EYS: variants seen among roughly 807,000 people sequenced by gnomAD.
EYS encodes EGF-like photoreceptor maintenance factor.
Under a neutral mutation model 282.1 loss-of-function variants are expected in EYS, and 250 were observed. The observed-to-expected ratio is 0.89, with a 90% CI of 0.80 to 0.98. The LOEUF (loss-of-function observed/expected upper bound fraction) is 0.98, where lower values mean the gene tolerates loss of function less well. Among genes scored for constraint, EYS ranks in the 50% least tolerant of loss-of-function variants. EYS has a pLI of 0.00. For missense variants in EYS, 4,016 were observed against 3,709.0 expected (o/e 1.08, Z -2.15); for synonymous variants, 1,355 against 1,282.9 (o/e 1.06, Z -1.20).
chr6:63,983,320 C>A (rs754379306), intron 35 of EYS, among the ~76,000 whole-genome samples: 5 of 151,766 alleles, frequency 3.3e-5, no homozygotes, highest in African/African-American at 1.2e-4. Flanking sequence ...TTTCCACTAA[C>A]CATGCCTTTT....
chr6:65,299,340 T>C (rs1768751374), intron 11 of EYS, among the ~76,000 whole-genome samples: 1 of 152,248 alleles, frequency 6.6e-6, no homozygotes, highest in Admixed American at 6.5e-5. Flanking sequence ...ACTAATTTTA[T>C]AATTAGCACA....
chr6:64,715,108 GGGATGAT>G (rs994876821), intron 22 of EYS, among the ~76,000 whole-genome samples: 1 of 151,600 alleles, frequency 6.6e-6, no homozygotes, highest in Non-Finnish European at 1.5e-5. Flanking sequence ...TATGGTTTTT[GGGATGAT>G]TCAAGTGCAT....
At chr6:65,260,092 T>C (rs1767581190) in intron 12 of EYS, among the ~76,000 whole-genome samples, 1 of 152,044 alleles carries the variant, frequency 6.6e-6, no homozygotes, top group Admixed American at 6.6e-5. Flanking sequence ...AAAATCTTGG[T>C]GGAAGGCGAA....
intron 16 of EYS, among the ~76,000 whole-genome samples, chr6:64,910,990 A>G (rs1423813132): frequency 1.3e-5 from 2 of 151,896 alleles, no homozygotes; most frequent in Non-Finnish European, 2.9e-5. Context: ...TTTTTTTTCT[A>G]TTTTACTTAG....
At chr6:65,182,864 C>A (rs12209336) in intron 12 of EYS, among the ~76,000 whole-genome samples, 6,459 of 152,056 alleles carry the variant, frequency 0.042, 197 homozygotes, top group Middle Eastern at 0.065. Context: ...TCTTGACTCA[C>A]CGCATCCTTG....
chr6:65,627,981 C>A (rs1766776087), intron 2 of EYS, among the ~76,000 whole-genome samples: 1 of 152,230 alleles, frequency 6.6e-6, no homozygotes, highest in Non-Finnish European at 1.5e-5. Context: ...GTGCGGGATC[C>A]ACTAGGTGAA....
chr6:64,624,521 T>G (rs1036411937), intron 23 of EYS, among the ~76,000 whole-genome samples: 2 of 152,196 alleles, frequency 1.3e-5, no homozygotes, highest in Non-Finnish European at 2.9e-5. Context: ...ACTGTAATTT[T>G]ATTCTACTTA....
chr6:64,077,800 C>T (rs1582236049), intron 32 of EYS, among the ~76,000 whole-genome samples: 1 of 152,076 alleles, frequency 6.6e-6, no homozygotes, highest in Non-Finnish European at 1.5e-5. Context: ...GAAAGTGCAC[C>T]TAAAGAATTT....
At chr6:64,951,457 G>A (rs770242680) in intron 14 of EYS, among the ~76,000 whole-genome samples, 10 of 151,928 alleles carry the variant, frequency 6.6e-5, no homozygotes, top group Non-Finnish European at 1.5e-4. Flanking sequence ...GCTTTTCAAA[G>A]TTTGAAACAA....
chr6:64,841,035 A>C (rs1018065), intron 19 of EYS, among the ~76,000 whole-genome samples: 1 of 151,864 alleles, frequency 6.6e-6, no homozygotes, highest in Non-Finnish European at 1.5e-5. Flanking sequence ...CCCCTGTACA[A>C]AGCTTTTTAA....
At position 65,033,790 on chromosome 6, in the gene EYS, A is replaced by C. The variant is rs1772681050; in HGVS notation, c.2137+23824T>G. On this transcript the variant is annotated intron_variant, in intron 13 of 42. Coordinates refer to ENST00000503581, the MANE Select transcript of EYS (RefSeq NM_001142800.2). ...AAAAGTGGGGTTGGAGCCTTCACAC[A>C]GAGTCCCAAATTGGGCATTGCCTAG... is the stretch of plus-strand genomic sequence containing the variant. Among the ~76,000 whole-genome samples the C allele has an allele frequency of 2.6e-5, 4 of 152,186 alleles. No homozygotes were observed. The South Asian group carries it at 8.3e-4, about 31-fold the overall frequency.
At chr6:64,345,501 T>G (rs1378614980) in intron 29 of EYS, among the ~76,000 whole-genome samples, 1 of 152,060 alleles carries the variant, frequency 6.6e-6, no homozygotes, top group Non-Finnish European at 1.5e-5. Context: ...TAGCCATATG[T>G]AGAAAGCTGA....
At chr6:65,651,526 A>G (rs1028394231) in intron 1 of EYS, among the ~76,000 whole-genome samples, 1 of 151,972 alleles carries the variant, frequency 6.6e-6, no homozygotes, top group African/African-American at 2.4e-5. Flanking sequence ...CTTCATGTAT[A>G]TCTCCTATAA....
Position 63,959,292 on chromosome 6 carries a change from C to T in EYS, c.7055+25091G>A, listed in dbSNP as rs552501821. Among the ~76,000 whole-genome samples the T allele has an allele frequency of 5.3e-5, 8 of 152,168 alleles. No individual in the cohort carries two copies. The South Asian group carries it at 1.7e-3, about 32-fold the overall frequency. On this transcript the variant is annotated intron_variant, in intron 35 of 42. Transcript: ENST00000503581. ...AACATCACTGATAATCAGAGAAATGCAAATTGAAACCATAATGAGATACCA... is the reference window on the plus strand; with the variant it reads ...AACATCACTGATAATCAGAGAAATGTAAATTGAAACCATAATGAGATACCA...
At chr6:64,726,177 C>T (rs1771748605) in intron 22 of EYS, among the ~76,000 whole-genome samples, 1 of 151,950 alleles carries the variant, frequency 6.6e-6, no homozygotes, top group Admixed American at 6.6e-5. Context: ...AAATCTCACT[C>T]TTCTTTTATG....
intron 35 of EYS, among the ~76,000 whole-genome samples, chr6:63,890,082 C>T (rs1010976086): frequency 3.3e-5 from 5 of 152,180 alleles, no homozygotes; most frequent in African/African-American, 7.2e-5. Flanking sequence ...AATATATATG[C>T]ACCCAATACA....
chr6:65,701,808 A>G (rs544232302), intron 1 of EYS, among the ~76,000 whole-genome samples: 1 of 152,318 alleles, frequency 6.6e-6, no homozygotes, highest in Non-Finnish European at 1.5e-5. Flanking sequence ...AATAAATAAA[A>G]GGGCATATAC....
intron 30 of EYS, among the ~76,000 whole-genome samples, chr6:64,242,512 A>G (rs771400675): frequency 6.6e-6 from 1 of 151,940 alleles, no homozygotes; most frequent in Non-Finnish European, 1.5e-5. Flanking sequence ...CCTTTTTGAC[A>G]TCCGTGACTT....
rs1562021191 is a variant in EYS at position 65,204,919 on chromosome 6, TTTATATATTCTA to T, written c.2023+90932_2023+90943del. 9.5e-3 allele frequency among the ~76,000 whole-genome samples: 1,164 copies of T among 122,682 alleles called. 140 individuals are homozygous for T. The highest frequency in any genetic ancestry group is 0.035 in the African/African-American group (1,084 of 31,332). The allele number at this position is 122,682 out of a possible 152,430, so 80.5% of individuals were successfully genotyped here. A position where few individuals can be genotyped will look rare whatever the true frequency, so the allele number is the denominator to read the frequency against. ...TCTGGAAGAATGTATTTATATATTC[TTTATATATTCTA>T]GAAGAATATATTTATATATTCTAGA... is the stretch of plus-strand genomic sequence containing the variant. On this transcript the variant is annotated intron_variant, in intron 12 of 42. Transcript: ENST00000503581.
Sources: allele counts gnomAD v4.1 joint callset (sites outside exome capture counted in the v4.1 genomes callset), GRCh38; gene constraint gnomAD v4.1.1; transcripts MANE v1.5; gene names NCBI Gene and HGNC (gene_info 2026-07-23, HGNC 2026-07-21).